Variants in THOC2 observed in about 807,000 individuals in gnomAD.
THOC2 encodes THO complex subunit 2, also known as THO complex 2.
THOC2 carries 10 observed loss-of-function variants against 128.4 expected under a neutral mutation model. The ratio of observed to expected loss-of-function variants is 0.08; its 90% CI spans 0.05 to 0.13. The LOEUF (loss-of-function observed/expected upper bound fraction) is 0.13, where lower values mean the gene tolerates loss of function less well. Among genes scored for constraint, THOC2 ranks in the 10% least tolerant of loss-of-function variants. The pLI is 1.00. For missense variants in THOC2, 535 were observed against 1,155.7 expected, an observed-to-expected ratio of 0.46 and a Z score of 7.79; for synonymous variants, 393 against 396.9, an observed-to-expected ratio of 0.99 and a Z score of 0.12.
At chrX:123,608,433 C>T (rs1286728859) in intron 38 of THOC2, among the ~76,000 whole-genome samples, 1 of 104,627 alleles carries the variant, frequency 9.6e-6, no homozygotes, top group Non-Finnish European at 2.0e-5. Context: ...AAGAAACTAT[C>T]AGCCAGATGG....
At chrX:123,677,144 G>A (rs2049530468) in intron 8 of THOC2, among the ~76,000 whole-genome samples, 1 of 111,487 alleles carries the variant, frequency 9.0e-6, no homozygotes, top group South Asian at 3.8e-4. Flanking sequence ...ATAGGCAACT[G>A]TAACACAATG....
In THOC2 at chrX:123,623,942, T is replaced by A. The variant is rs767870891; in HGVS notation, c.3348A>T (p.Glu1116Asp). 8.3e-7 allele frequency: 1 copy of A among 1,202,756 alleles called. No homozygotes were observed. The highest frequency in any genetic ancestry group is 2.3e-5 in the Admixed American group (1 of 44,276). Residue 1116 changes from glutamate (E) to aspartate (D), a missense_variant, in exon 28 of 39, where the codon GAA (glutamate) becomes GAT (aspartate). By Grantham distance (45) the Glu-to-Asp change is conservative. Transcript: ENST00000245838. ...KASVHCLETGEYTHIRNILIV... is the reference protein window; with the variant it reads ...KASVHCLETGDYTHIRNILIV... ...TCAAGATATTCCTGATGTGAGTATA[T>A]TCGCCTGTTTCAAGGCAATGTACCG...
chrX:123,665,872 T>A (rs1192736190), intron 11 of THOC2, 35 bp from the exon 12 acceptor site: 1 of 787,439 alleles, frequency 1.3e-6, no homozygotes, highest in Non-Finnish European at 1.7e-6. Flanking sequence ...AATAAACAAA[T>A]AAATAAGTAT....
intron 12 of THOC2, among the ~76,000 whole-genome samples, chrX:123,657,441 C>T (rs1389308973): frequency 3.6e-5 from 4 of 109,901 alleles, no homozygotes; most frequent in South Asian, 7.6e-4. Context: ...AATAAATAAA[C>T]AAATAAATAA....
intron 16 of THOC2, 130 bp downstream of exon 16, chrX:123,640,408 G>C: frequency 2.5e-6 from 1 of 401,627 alleles, no homozygotes; most frequent in Admixed American, 4.5e-5. Context: ...TAAATATATT[G>C]TGTAGTAATT....
chrX:123,673,247 G>A (rs745947999), intron 8 of THOC2, among the ~76,000 whole-genome samples: 1 of 111,861 alleles, frequency 8.9e-6, no homozygotes, highest in Non-Finnish European at 1.9e-5. Flanking sequence ...GCTGAAGCAG[G>A]AGAATCACTT....
At chrX:123,614,433 G>T (rs1384334958) in intron 33 of THOC2, among the ~76,000 whole-genome samples, 1 of 109,924 alleles carries the variant, frequency 9.1e-6, no homozygotes, top group African/African-American at 3.3e-5. Context: ...AGACTCATTA[G>T]TAAATTCACA....
intron 16 of THOC2, among the ~76,000 whole-genome samples, chrX:123,639,646 G>A (rs72610603): frequency 0.033 from 3,660 of 110,909 alleles, 137 homozygotes; most frequent in East Asian, 0.3. Flanking sequence ...GAAAGACACT[G>A]GGGACTCTAA....
chrX:123,632,569 A>G (rs1032823026), intron 21 of THOC2, among the ~76,000 whole-genome samples: 4 of 109,379 alleles, frequency 3.7e-5, no homozygotes, highest in Non-Finnish European at 5.7e-5. Context: ...TTCTGTTATG[A>G]CTGAGATTTC....
intron 32 of THOC2, 81 bp from the exon 33 acceptor site, chrX:123,619,517 C>T: frequency 8.9e-7 from 1 of 1,124,161 alleles, no homozygotes; most frequent in Non-Finnish European, 1.2e-6. Flanking sequence ...ATGGCTGTAA[C>T]CTGGAAATAA....
Position 123,623,213 on chromosome X carries a change from G to T in THOC2, c.3574C>A (p.Pro1192Thr), listed in dbSNP as rs2047147516. 1 of 1,209,056 alleles carries T rather than the reference G, an allele frequency of 8.3e-7. No homozygotes were observed. The highest frequency in any genetic ancestry group is 1.8e-5 in the South Asian group (1 of 56,486). The stretch of plus-strand genomic sequence containing the variant: ...ACACTGGCAACTGCATTCCTCGGAG[G>T]GGGGTCTTTGTGATGAAACTCATTT... Reference protein sequence around the residue: ...PENEFHHKDPPPRNAVASVQN... With the variant: ...PENEFHHKDPTPRNAVASVQN... The change falls in exon 29 of 39, where the codon CCT becomes ACT. Residue 1192 changes from proline to threonine, a missense_variant. This residue lies in a region of THOC2 where 116 missense variants were observed against 180.0 expected (regional missense o/e 0.64). Transcript: ENST00000245838.
At chrX:123,702,447 G>A (rs919111030) in intron 4 of THOC2, among the ~76,000 whole-genome samples, 5 of 105,599 alleles carry the variant, frequency 4.7e-5, no homozygotes, top group Non-Finnish European at 9.7e-5. Flanking sequence ...AGACAAGCCT[G>A]GACAACATGG....
intron 26 of THOC2, 66 bp from the exon 27 acceptor site, chrX:123,624,257 C>T (rs2047181970): frequency 1.0e-6 from 1 of 988,863 alleles, no homozygotes; most frequent in African/African-American, 1.9e-5. Context: ...GAAATTGAAA[C>T]TTAAGTAGAC....
intron 8 of THOC2, among the ~76,000 whole-genome samples, chrX:123,675,502 A>G (rs1306572728): frequency 9.1e-6 from 1 of 110,120 alleles, no homozygotes; most frequent in African/African-American, 3.3e-5. Context: ...TTAGTCAGGC[A>G]TGGTGGTGCG....
At chrX:123,701,038 G>A (rs765128447) in intron 4 of THOC2, among the ~76,000 whole-genome samples, 8 of 110,756 alleles carry the variant, frequency 7.2e-5, no homozygotes, top group East Asian at 2.8e-4. Context: ...CAAGTTTGCC[G>A]TCATAATCTT....
chrX:123,719,865 G>A (rs1363447585), intron 1 of THOC2, among the ~76,000 whole-genome samples: 1 of 108,794 alleles, frequency 9.2e-6, no homozygotes, highest in Non-Finnish European at 1.9e-5. Flanking sequence ...GGGGTTTCAG[G>A]TTATGATGAG....
At chrX:123,622,701 A>G (rs1254098809) in intron 30 of THOC2, 57 bp downstream of exon 30, 22 of 914,040 alleles carry the variant, frequency 2.4e-5, no homozygotes, top group Admixed American at 2.0e-4. Context: ...AAAAAAATAC[A>G]TAAAAATCAT....
intron 25 of THOC2, among the ~76,000 whole-genome samples, chrX:123,624,914 GA>G (rs1328026979): frequency 1.7e-3 from 178 of 107,163 alleles, no homozygotes; most frequent in African/African-American, 5.6e-3. Flanking sequence ...CAGTGACAAG[GA>G]AAAAAAAATT....
chrX:123,718,108 C>G (rs1308030903), intron 1 of THOC2, among the ~76,000 whole-genome samples: 1 of 112,098 alleles, frequency 8.9e-6, no homozygotes, highest in African/African-American at 3.2e-5. Flanking sequence ...ACCAATGGAA[C>G]AGAATAGAGA....
Sources: gnomAD v4.1 joint callset for allele counts (sites outside exome capture counted in the v4.1 genomes callset) on GRCh38, gnomAD v4.1.1 for gene constraint, gnomAD v4.1.1 regional missense constraint, MANE v1.5 for transcripts, NCBI Gene and HGNC (gene_info 2026-07-23, HGNC 2026-07-21) for gene names.